COL4A2: variants seen among roughly 807,000 people sequenced by gnomAD.
The protein encoded by COL4A2 is collagen alpha-2(IV) chain.
A neutral mutation model predicts 200.2 loss-of-function variants in COL4A2; 99 were observed. The observed-to-expected ratio is 0.49, with a 90% confidence interval of 0.42 to 0.58. COL4A2 has a LOEUF of 0.58. Among genes scored for constraint, COL4A2 ranks in the 20% least tolerant of loss-of-function variants. COL4A2 has a pLI of 0.00. For synonymous variants in COL4A2, 897 were observed against 900.6 expected (o/e 1.00, Z 0.07); for missense variants, 1,950 against 2,314.1 (o/e 0.84, Z 3.23).
intron 4 of COL4A2, among the ~76,000 whole-genome samples, chr13:110,364,389 TC>T (rs1323012019): frequency 1.3e-5 from 2 of 152,218 alleles, no homozygotes; most frequent in Non-Finnish European, 2.9e-5. Flanking sequence ...CCATTATCTA[TC>T]AAATCCTCAA....
intron 47 of COL4A2, among the ~76,000 whole-genome samples, chr13:110,510,279 A>G (rs1046138319): frequency 6.6e-6 from 1 of 152,242 alleles, no homozygotes; most frequent in Admixed American, 6.5e-5. Flanking sequence ...GAGGGAGGAC[A>G]AGGGCAGAGC....
At chr13:110,446,949 C>A in intron 18 of COL4A2, 85 bp downstream of exon 18, 1 of 1,137,516 alleles carries the variant, frequency 8.8e-7, no homozygotes, top group South Asian at 1.8e-5. Context: ...ACTTTCAAGA[C>A]AGATATTCTA....
intron 43 of COL4A2, 51 bp from the exon 44 acceptor site, chr13:110,503,796 A>C (rs1158586988): frequency 1.2e-6 from 2 of 1,608,096 alleles, no homozygotes; most frequent in African/African-American, 2.7e-5. Flanking sequence ...TCGGAGCAAG[A>C]GAGTGGAACG....
intron 4 of COL4A2, among the ~76,000 whole-genome samples, chr13:110,391,397 C>T (rs763531222): frequency 6.6e-5 from 10 of 152,176 alleles, no homozygotes; most frequent in Non-Finnish European, 1.2e-4. Context: ...GTGAGGAGTC[C>T]GGCAGCCGGG....
At chr13:110,475,918 GA>G in intron 29 of COL4A2, among the ~76,000 whole-genome samples, 1 of 152,256 alleles carries the variant, frequency 6.6e-6, no homozygotes, top group Non-Finnish European at 1.5e-5. Context: ...CAGCTCTAAA[GA>G]AATAATCACA....
intron 43 of COL4A2, 42 bp from the exon 44 acceptor site, chr13:110,503,805 C>T (rs753502040): frequency 2.5e-6 from 4 of 1,612,178 alleles, no homozygotes; most frequent in East Asian, 4.5e-5. Context: ...GAGAGTGGAA[C>T]GACCTTGTGT....
At chr13:110,395,750 G>A (rs932069569) in intron 4 of COL4A2, among the ~76,000 whole-genome samples, 3 of 152,212 alleles carry the variant, frequency 2.0e-5, no homozygotes. Flanking sequence ...TTCGAGACCA[G>A]CCTGGCCAAT....
rs528418947 is a variant in COL4A2 at position 110,397,753 on chromosome 13, G to A, written c.181-26981G>A. 7.9e-5 allele frequency among the ~76,000 whole-genome samples: 12 copies of A among 152,342 alleles called. No homozygotes were observed. In the South Asian group the frequency reaches 2.3e-3, roughly 29 times the overall value. On this transcript the variant is annotated intron_variant, in intron 4 of 47. Transcript: ENST00000360467. ...GGAAGGAGAGGGAGTGGGTGGGTATGAGGGCAGGAGAAAGAATCAGCTCTG... is the reference window on the plus strand; with the variant it reads ...GGAAGGAGAGGGAGTGGGTGGGTATAAGGGCAGGAGAAAGAATCAGCTCTG...
intron 20 of COL4A2, among the ~76,000 whole-genome samples, chr13:110,453,561 C>A (rs1191634433): frequency 1.3e-5 from 2 of 152,166 alleles, no homozygotes; most frequent in Non-Finnish European, 2.9e-5. Flanking sequence ...GCTAACGTTG[C>A]CATTATTCCT....
At chr13:110,502,939 T>C (rs945629289) in intron 41 of COL4A2, 182 bp from the exon 42 acceptor site, 1 of 608,426 alleles carries the variant, frequency 1.6e-6, no homozygotes, top group African/African-American at 1.9e-5. Flanking sequence ...CTAAAAATGA[T>C]TAAAATGGTA....
chr13:110,502,850 G>C (rs542327097), intron 41 of COL4A2: 22 of 395,860 alleles, frequency 5.6e-5, no homozygotes, highest in African/African-American at 4.2e-4. Context: ...AACGGGGACA[G>C]ATTTCAGTTT....
chr13:110,493,067 AGT>A lies in COL4A2; in HGVS notation c.3563-142_3563-141del. On this transcript the variant is annotated intron_variant, in intron 38 of 47. Coordinates refer to ENST00000360467, the MANE Select transcript of COL4A2 (RefSeq NM_001846.4). ...CACCCCCACAGGTGAAATAACGATG[AGT>A]GACACCCCCATGGGTGAAATAACGA... The A allele has an allele frequency of 9.9e-5, 85 of 862,452 alleles. 1 individual carries two copies. The highest frequency in any genetic ancestry group is 2.7e-4 in the South Asian group (19 of 71,694). The allele number at this position is 862,452 out of a possible 1,614,324, so 53.4% of individuals were successfully genotyped here.
rs765957029 is a variant in COL4A2, at chr13:110,466,020, A to C, written c.1996A>C (p.Lys666Gln). Residue 666 changes from lysine to glutamine, a missense_variant, in exon 26 of 48, where the codon AAA (lysine) becomes CAA (glutamine). Transcript: ENST00000360467. ...CCCCCCAGATTGTGACACAGATGTG[A>C]AAAGGGCCGTTGGAGGTGACAGACA... The part of the protein sequence containing the change: ...PGQIDCDTDV[K>Q]RAVGGDRQEA... 1 of 1,613,802 alleles carries C rather than the reference A, an allele frequency of 6.2e-7. No individual in the cohort carries two copies.
At position 110,465,555 on chromosome 13, in the gene COL4A2, C is replaced by G; in HGVS notation, c.1927C>G (p.Pro643Ala). 1 of 1,613,954 alleles carries G rather than the reference C, an allele frequency of 6.2e-7. No homozygotes were observed. Among genetic ancestry groups the G allele is most frequent in the Non-Finnish European group, 8.5e-7 (1 of 1,179,966 alleles). Residue 643 changes from proline (P) to alanine (A), a missense_variant, in exon 25 of 48, where the codon CCA becomes GCA. Transcript: ENST00000360467. ...GFPGDAGLPG[P>A]PGFLGPPGPA... ...CCCTGGAGACGCCGGCTTACCTGGACCACCAGGCTTCCTGGGCCCTCCTGG... is the reference window on the plus strand; with the variant it reads ...CCCTGGAGACGCCGGCTTACCTGGAGCACCAGGCTTCCTGGGCCCTCCTGG...
At chr13:110,459,119 G>A in intron 22 of COL4A2, 185 bp downstream of exon 22, 3 of 540,474 alleles carry the variant, frequency 5.6e-6, no homozygotes, top group Non-Finnish European at 9.2e-6. Context: ...GTCCACTGGT[G>A]AGACTGAGAA....
At chr13:110,469,692 C>G (rs1028007261) in intron 28 of COL4A2, among the ~76,000 whole-genome samples, 3 of 152,158 alleles carry the variant, frequency 2.0e-5, no homozygotes, top group Non-Finnish European at 4.4e-5. Flanking sequence ...ATAAATAGCC[C>G]TCTCACAATG....
chr13:110,389,241 C>T (rs557751411), intron 4 of COL4A2, among the ~76,000 whole-genome samples: 5 of 152,198 alleles, frequency 3.3e-5, no homozygotes, highest in Non-Finnish European at 7.3e-5. Context: ...AAGATCACAT[C>T]GCTTCCCTTT....
At chr13:110,456,012 C>T (rs1197997425) in intron 20 of COL4A2, among the ~76,000 whole-genome samples, 1 of 152,226 alleles carries the variant, frequency 6.6e-6, no homozygotes, top group Non-Finnish European at 1.5e-5. Flanking sequence ...AGAGCCTGCC[C>T]CCAGCAGCAG....
intron 45 of COL4A2, among the ~76,000 whole-genome samples, chr13:110,505,453 T>C (rs993113084): frequency 2.6e-5 from 4 of 151,808 alleles, no homozygotes; most frequent in Admixed American, 6.6e-5. Context: ...CGGCAAATTA[T>C]GGGTAGTGTG....
Sources: allele counts gnomAD v4.1 joint callset (sites outside exome capture counted in the v4.1 genomes callset), GRCh38; gene constraint gnomAD v4.1.1; transcripts MANE v1.5; gene names NCBI Gene and HGNC (gene_info 2026-07-23, HGNC 2026-07-21).